Variants in SPEF2 observed in about 807,000 individuals in gnomAD.
SPEF2 encodes the protein sperm flagellar and cilia associated 2.
Under a neutral mutation model 224.6 loss-of-function variants are expected in SPEF2, and 187 were observed. That is an observed-to-expected ratio of 0.83 (90% CI 0.74 to 0.94). The LOEUF is 0.94. Ranked by LOEUF, SPEF2 falls within the 40% of genes least tolerant of loss-of-function variation. The probability of loss-of-function intolerance (pLI) is 0.00; values close to 1 mark genes in which losing one functional copy is unlikely to be tolerated. For synonymous variants in SPEF2, 715 were observed against 707.3 expected (o/e 1.01, Z -0.17); for missense variants, 2,170 against 2,135.6 (o/e 1.02, Z -0.32).
intron 23 of SPEF2, among the ~76,000 whole-genome samples, chr5:35,748,138 T>G (rs998034001): frequency 1.3e-5 from 2 of 151,938 alleles, no homozygotes; most frequent in African/African-American, 4.8e-5. Flanking sequence ...TCGAACTGAA[T>G]GACAGTGACA....
chr5:35,770,305 G>A (rs1752652914), intron 26 of SPEF2, among the ~76,000 whole-genome samples: 1 of 152,084 alleles, frequency 6.6e-6, no homozygotes, highest in African/African-American at 2.4e-5. Flanking sequence ...TGGGATGACT[G>A]AATCAAGCTA....
rs147176855 is a variant in SPEF2 at position 35,664,344 on chromosome 5, C to T, written c.1168-2728C>T. The stretch of plus-strand genomic sequence containing the variant: ...AAAGAAAAGAAAGGGAAAAGAGAGA[C>T]GAGGGAAGGAAGGAAGGAAAGAAGG... On this transcript the variant is annotated intron_variant, in intron 8 of 36. Coordinates refer to ENST00000356031, the MANE Select transcript of SPEF2 (RefSeq NM_024867.4). Among the ~76,000 whole-genome samples the T allele has an allele frequency of 2.9e-3, 369 of 126,962 alleles. 2 individuals carry two copies. Among genetic ancestry groups the T allele is most frequent in the African/African-American group, 9.7e-3 (324 of 33,522 alleles). The allele number at this position is 126,962 out of a possible 152,430, so 83.3% of individuals were successfully genotyped here.
intron 20 of SPEF2, among the ~76,000 whole-genome samples, chr5:35,724,458 A>G (rs879488037): frequency 1.3e-5 from 2 of 152,222 alleles, no homozygotes; most frequent in Non-Finnish European, 2.9e-5. Flanking sequence ...TCAATGAGCC[A>G]AGTAAATAGT....
intron 21 of SPEF2, among the ~76,000 whole-genome samples, chr5:35,731,189 G>A (rs1267426147): frequency 6.6e-6 from 1 of 152,132 alleles, no homozygotes; most frequent in South Asian, 2.1e-4. Context: ...GAAAAGAAAT[G>A]AAGTCAAATT....
rs1747358500 is a variant in SPEF2 at position 35,740,131 on chromosome 5, C to G, written c.3194C>G (p.Thr1065Arg). 19 of 1,614,072 alleles carry G rather than the reference C, an allele frequency of 1.2e-5. No homozygotes were observed. Among genetic ancestry groups the G allele is most frequent in the Non-Finnish European group, 1.5e-5 (18 of 1,180,006 alleles). The change falls in exon 23 of 37, where the codon ACA (threonine) becomes AGA (arginine). Residue 1065 changes from threonine (T) to arginine (R), a missense_variant and splice_region_variant. Thr to Arg is a moderately conservative substitution (Grantham distance 71). Transcript: ENST00000356031. ...TCTCATTCTATTAATGTCTACAGAACAAGTTTCCAGGAGTTTCTAAAGCGT... is the reference window on the plus strand; with the variant it reads ...TCTCATTCTATTAATGTCTACAGAAGAAGTTTCCAGGAGTTTCTAAAGCGT... Reference protein sequence around the residue: ...TVLAYLYEIRTSFQEFLKRPD... With the variant: ...TVLAYLYEIRRSFQEFLKRPD...
intron 10 of SPEF2, among the ~76,000 whole-genome samples, chr5:35,683,043 A>G (rs894170360): frequency 6.6e-6 from 1 of 152,154 alleles, no homozygotes; most frequent in African/African-American, 2.4e-5. Flanking sequence ...TTGTGATTCT[A>G]TTAGCCATGA....
intron 16 of SPEF2, among the ~76,000 whole-genome samples, chr5:35,701,151 G>C (rs367764505): frequency 6.6e-6 from 1 of 152,262 alleles, no homozygotes; most frequent in East Asian, 1.9e-4. Flanking sequence ...CCTTTTCTTG[G>C]ACTGGGTATT....
At chr5:35,651,007 G>A (rs1748115153) in intron 6 of SPEF2, among the ~76,000 whole-genome samples, 1 of 152,156 alleles carries the variant, frequency 6.6e-6, no homozygotes, top group South Asian at 2.1e-4. Flanking sequence ...TCATCCTCAA[G>A]GTTACATTCA....
intron 5 of SPEF2, 150 bp downstream of exon 5, chr5:35,646,957 A>G (rs1747460689): frequency 8.4e-6 from 7 of 834,322 alleles, no homozygotes; most frequent in African/African-American, 3.5e-5. Flanking sequence ...TTCTTCCACT[A>G]TATGCATATT....
intron 10 of SPEF2, among the ~76,000 whole-genome samples, chr5:35,685,894 C>T (rs1396612499): frequency 6.6e-6 from 1 of 151,038 alleles, no homozygotes; most frequent in African/African-American, 2.4e-5. Flanking sequence ...TGACTTAAGG[C>T]AATCCAGACT....
intron 21 of SPEF2, among the ~76,000 whole-genome samples, chr5:35,737,318 C>T (rs923276984): frequency 2.0e-5 from 3 of 151,256 alleles, no homozygotes; most frequent in Non-Finnish European, 2.9e-5. Context: ...CACCCATTAA[C>T]TCATCATTTA....
At chr5:35,638,195 C>T (rs1365261341) in intron 2 of SPEF2, among the ~76,000 whole-genome samples, 1 of 152,174 alleles carries the variant, frequency 6.6e-6, no homozygotes, top group African/African-American at 2.4e-5. Flanking sequence ...TGAATGTCTA[C>T]ATTTCCTAGT....
intron 2 of SPEF2, among the ~76,000 whole-genome samples, chr5:35,638,741 A>G (rs769542859): frequency 2.6e-5 from 4 of 152,212 alleles, no homozygotes; most frequent in African/African-American, 4.8e-5. Context: ...TGATAAATGA[A>G]TGTTTACTCC....
chr5:35,641,527 C>T lies in SPEF2; in HGVS notation c.258C>T (p.Ile86=). 2.5e-6 allele frequency: 4 copies of T among 1,613,816 alleles called. No homozygotes were observed. The highest frequency in any genetic ancestry group is 3.4e-6 in the Non-Finnish European group (4 of 1,179,836). ...QFDQNVAHGI[I]TEKPGVATKL... is the part of the protein sequence containing the mutation. ...ATCAGAATGTGGCCCATGGCATCAT[C>T]ACAGAAAAGCCTGGGGTGGCAACAA... Residue 86 remains isoleucine (I), a synonymous_variant, in exon 3 of 37, where the codon ATC becomes ATT. Coordinates refer to ENST00000356031, the MANE Select transcript of SPEF2 (RefSeq NM_024867.4).
intron 26 of SPEF2, among the ~76,000 whole-genome samples, chr5:35,766,862 A>G (rs1752160024): frequency 1.3e-5 from 2 of 151,896 alleles, no homozygotes; most frequent in African/African-American, 4.8e-5. Flanking sequence ...CATTTTAGAA[A>G]TATATTTTTA....
At chr5:35,713,749 T>A (rs865923484) in intron 20 of SPEF2, among the ~76,000 whole-genome samples, 206 of 12,232 alleles carry the variant, frequency 0.017, 5 homozygotes, top group East Asian at 0.029. Flanking sequence ...ATATATATAT[T>A]TTATATATAT....
intron 10 of SPEF2, among the ~76,000 whole-genome samples, chr5:35,678,324 A>G (rs911792838): frequency 6.6e-6 from 1 of 152,200 alleles, no homozygotes; most frequent in African/African-American, 2.4e-5. Flanking sequence ...TTGGCCACCC[A>G]CAATCTGCTT....
At position 35,687,293 on chromosome 5, in the gene SPEF2, G is replaced by C. The variant is rs377766762; in HGVS notation, c.1525-3744G>C. On this transcript the variant is annotated intron_variant, in intron 10 of 36. Transcript: ENST00000356031. ...TTACATATAATTAGATCTGTTTCTG[G>C]AATCTATATTTTTGCACAGTGAATA... is the stretch of plus-strand genomic sequence containing the variant. Among the ~76,000 whole-genome samples, 527 of 152,046 alleles carry C rather than the reference G, an allele frequency of 3.5e-3. 2 individuals are homozygous for C. The highest frequency in any genetic ancestry group is 0.017 in the Middle Eastern group (5 of 294).
intron 2 of SPEF2, among the ~76,000 whole-genome samples, chr5:35,633,807 G>A (rs1028938887): frequency 6.6e-6 from 1 of 151,522 alleles, no homozygotes; most frequent in Non-Finnish European, 1.5e-5. Flanking sequence ...TAGTTTTTGA[G>A]TCAGTTTCTT....
Sources: allele counts gnomAD v4.1 joint callset (sites outside exome capture counted in the v4.1 genomes callset), GRCh38; gene constraint gnomAD v4.1.1; transcripts MANE v1.5; gene names NCBI Gene and HGNC (gene_info 2026-07-23, HGNC 2026-07-21).